The following TRAK1 variants were observed in gnomAD, a reference collection of about 807,000 sequenced individuals.
TRAK1 encodes trafficking kinesin-binding protein 1.
A neutral mutation model predicts 92.1 loss-of-function variants in TRAK1; 33 were observed. The observed-to-expected ratio is 0.36, with a 90% CI of 0.27 to 0.48. The LOEUF is 0.48. Among genes scored for constraint, TRAK1 ranks in the 20% least tolerant of loss-of-function variants. TRAK1 has a pLI of 0.99. For missense variants in TRAK1, 1,123 were observed against 1,257.9 expected, an observed-to-expected ratio of 0.89 and a Z score of 1.62; for synonymous variants, 521 against 517.3, an observed-to-expected ratio of 1.01 and a Z score of -0.10.
At position 42,224,006 on chromosome 3, in the gene TRAK1, C is replaced by T. The variant is rs751292336; in HGVS notation, c.*269C>T. The T allele has an allele frequency of 5.0e-5, 31 of 616,434 alleles. No homozygotes were observed. Among genetic ancestry groups the T allele is most frequent in the South Asian group, 1.2e-4 (8 of 65,440 alleles). 38.2% of individuals were successfully genotyped at this position (616,434 alleles called of 1,614,324 possible). On this transcript the variant is annotated 3_prime_UTR_variant, in exon 16 of 16. Transcript: ENST00000327628. ...TGCACTGTCATCACTCTCACGAGGACGTCACCTGTGCTAACCTGGGGGAAG... is the reference window on the plus strand; with the variant it reads ...TGCACTGTCATCACTCTCACGAGGATGTCACCTGTGCTAACCTGGGGGAAG...
intron 1 of TRAK1, among the ~76,000 whole-genome samples, chr3:42,058,816 T>C (rs1290045196): frequency 2.0e-5 from 3 of 152,020 alleles, no homozygotes; most frequent in Non-Finnish European, 4.4e-5. Context: ...TATGTACCTC[T>C]AAGAAAGCAA....
At position 42,183,201 on chromosome 3, in the gene TRAK1, G is replaced by A. The variant is rs367700958; in HGVS notation, c.364-1484G>A. ...TGTATTTAAGTTAAAACAAAATGTC[G>A]GTTGCTGTTACTAAAATGGTTTCTT... On this transcript the variant is annotated intron_variant, in intron 3 of 15. Transcript: ENST00000327628. Among the ~76,000 whole-genome samples the A allele has an allele frequency of 6.6e-4, 101 of 152,166 alleles. No individual in the cohort carries two copies. The South Asian group carries it at 0.01, about 15-fold the overall frequency.
intron 1 of TRAK1, among the ~76,000 whole-genome samples, chr3:42,093,629 T>C (rs1705413057): frequency 1.4e-5 from 2 of 138,076 alleles, no homozygotes; most frequent in South Asian, 5.1e-4. Flanking sequence ...CTCCCCTCTC[T>C]TCTCTCTTCT....
At chr3:42,190,094 A>C (rs1705482993) in intron 6 of TRAK1, among the ~76,000 whole-genome samples, 2 of 152,150 alleles carry the variant, frequency 1.3e-5, no homozygotes, top group African/African-American at 4.8e-5. Flanking sequence ...CTGTGACTCT[A>C]AGCCCCTTGT....
intron 1 of TRAK1, among the ~76,000 whole-genome samples, chr3:42,031,353 GAA>G (rs1702139640): frequency 1.3e-5 from 2 of 148,820 alleles, no homozygotes; most frequent in Non-Finnish European, 3.0e-5. Context: ...TTTCAAAATT[GAA>G]AGTTTTCCAA....
chr3:42,217,315 G>C, intron 14 of TRAK1: 1 of 985,190 alleles, frequency 1.0e-6, no homozygotes, highest in Admixed American at 6.1e-5. Context: ...GCGTCCTGGT[G>C]GTATTTTGGA....
chr3:42,201,061 A>G lies in TRAK1; in HGVS notation c.1427+7A>G, dbSNP rs1242044386. ...CAGAGGCAGCCGACCTGGGGTGAGC[A>G]AGCTGGGAGTTTTCACTTCTCTGTT... On this transcript the variant is annotated splice_region_variant and intron_variant, in intron 12 of 15. Coordinates refer to ENST00000327628, the MANE Select transcript of TRAK1 (RefSeq NM_001042646.3). The G allele has an allele frequency of 2.5e-6, 4 of 1,613,824 alleles. No homozygotes were observed. Among genetic ancestry groups the G allele is most frequent in the Non-Finnish European group, 3.4e-6 (4 of 1,179,812 alleles).
intron 1 of TRAK1, among the ~76,000 whole-genome samples, chr3:42,096,520 C>T (rs536636561): frequency 5.9e-5 from 9 of 152,234 alleles, no homozygotes; most frequent in Non-Finnish European, 1.3e-4. Flanking sequence ...TCCCAAAGTG[C>T]TGGGATTACA....
At position 42,115,175 on chromosome 3, in the gene TRAK1, C is replaced by T. The variant is rs181893113; in HGVS notation, c.92-10245C>T. ...CTGAACTTATACACGTTAACTTTCA[C>T]GTTTAAAATAAATTTGTGTACAATT... On this transcript the variant is annotated intron_variant, in intron 1 of 15. Transcript: ENST00000327628. Among the ~76,000 whole-genome samples the T allele has an allele frequency of 5.6e-4, 85 of 152,248 alleles. 2 individuals carry two copies. The highest frequency in any genetic ancestry group is 3.1e-3 in the Admixed American group (47 of 15,298).
At chr3:42,101,028 AG>A (rs1330361358) in intron 1 of TRAK1, among the ~76,000 whole-genome samples, 1 of 152,262 alleles carries the variant, frequency 6.6e-6, no homozygotes, top group African/African-American at 2.4e-5. Flanking sequence ...GAGTGCTAAC[AG>A]CCTCCAAATC....
At position 42,223,509 on chromosome 3, in the gene TRAK1, G is replaced by C; in HGVS notation, c.2634G>C (p.Pro878=). The C allele has an allele frequency of 6.2e-7, 1 of 1,613,516 alleles. No individual in the cohort carries two copies. The highest frequency in any genetic ancestry group is 8.5e-7 in the Non-Finnish European group (1 of 1,179,890). The part of the protein sequence containing the change: ...EEQGPLLCGP[P]GPAPALVPRG... Reference sequence around the variant, plus strand: ...AGGGACCCCTCCTCTGTGGGCCCCCGGGGCCAGCACCAGCCCTTGTTCCCA... The same window carrying C: ...AGGGACCCCTCCTCTGTGGGCCCCCCGGGCCAGCACCAGCCCTTGTTCCCA... The change falls in exon 16 of 16, where the codon CCG becomes CCC. Residue 878 remains proline (P), a synonymous_variant. Coordinates refer to ENST00000327628, the MANE Select transcript of TRAK1 (RefSeq NM_001042646.3). The surrounding 1 kb of genome is among the most constrained non-coding windows in gnomAD (Gnocchi z 6.1).
intron 3 of TRAK1, among the ~76,000 whole-genome samples, chr3:42,181,243 C>T (rs1703954641): frequency 6.6e-6 from 1 of 152,186 alleles, no homozygotes. Flanking sequence ...TTGAAATGTG[C>T]GTACAAAATG....
At position 42,202,016 on chromosome 3, in the gene TRAK1, C is replaced by T. The variant is rs1707700722; in HGVS notation, c.1428-420C>T. The stretch of plus-strand genomic sequence containing the variant: ...GTTGGAACAGACAGACAGGAAGCTC[C>T]TTGATCAGAGCAGGTTTTGTTCAGA... On this transcript the variant is annotated intron_variant, in intron 12 of 15. Coordinates refer to ENST00000327628, the MANE Select transcript of TRAK1 (RefSeq NM_001042646.3). The surrounding 1 kb of genome is among the most constrained non-coding windows in gnomAD (Gnocchi z 6.1). 6.6e-6 allele frequency among the ~76,000 whole-genome samples: 1 copy of T among 151,994 alleles called. No homozygotes were observed. Among genetic ancestry groups the T allele is most frequent in the Non-Finnish European group, 1.5e-5 (1 of 68,006 alleles).
chr3:42,215,078 G>A (rs978743868), intron 14 of TRAK1, among the ~76,000 whole-genome samples: 8 of 152,134 alleles, frequency 5.3e-5, no homozygotes, highest in Non-Finnish European at 1.0e-4. Context: ...TGACTCGTAG[G>A]GCAAACTATT....
At chr3:42,043,771 AC>A (rs1470756392) in intron 1 of TRAK1, among the ~76,000 whole-genome samples, 169 of 92,442 alleles carry the variant, frequency 1.8e-3, no homozygotes, top group African/African-American at 6.6e-3. Context: ...GACCCACCCC[AC>A]CCCCCCGCCA....
At chr3:42,163,986 T>C (rs1316304750) in intron 2 of TRAK1, among the ~76,000 whole-genome samples, 3 of 152,230 alleles carry the variant, frequency 2.0e-5, no homozygotes, top group South Asian at 2.1e-4. Flanking sequence ...TAAGGTTTGC[T>C]CCTGACATGA....
At chr3:42,156,423 A>G (rs1700540194) in intron 2 of TRAK1, among the ~76,000 whole-genome samples, 1 of 152,232 alleles carries the variant, frequency 6.6e-6, no homozygotes, top group African/African-American at 2.4e-5. Flanking sequence ...CCTGTGTTCA[A>G]AATTTCATGT....
In TRAK1 at chr3:42,188,104, C is replaced by A; in HGVS notation, c.540C>A (p.Ser180Arg). The A allele has an allele frequency of 6.2e-7, 1 of 1,614,090 alleles. No homozygotes were observed. The highest frequency in any genetic ancestry group is 8.5e-7 in the Non-Finnish European group (1 of 1,180,054). Residue 180 changes from serine to arginine, a missense_variant, in exon 5 of 16, where the codon AGC (serine) becomes AGA (arginine). By Grantham distance (110) the Ser-to-Arg change is moderately radical. Around this residue, in one of 3 missense-constraint regions of TRAK1, gnomAD observed 686 missense variants for 747.6 expected, o/e 0.92. Coordinates refer to ENST00000327628, the MANE Select transcript of TRAK1 (RefSeq NM_001042646.3). ...MKDELLQFYT[S>R]AAEESEPESV... The stretch of plus-strand genomic sequence containing the variant: ...ATGAGCTGCTTCAGTTCTACACCAG[C>A]GCTGCGGAGGAGAGTGAGCCCGAGT...
At chr3:42,195,232 C>G (rs372035564) in intron 10 of TRAK1, among the ~76,000 whole-genome samples, 7 of 152,212 alleles carry the variant, frequency 4.6e-5, no homozygotes, top group Non-Finnish European at 8.8e-5. Context: ...TTTGGAAGAT[C>G]TGACTCATAC....
Sources: allele counts gnomAD v4.1 joint callset (sites outside exome capture counted in the v4.1 genomes callset), GRCh38; gene constraint gnomAD v4.1.1; regional missense constraint gnomAD v4.1.1; non-coding constraint Gnocchi (gnomAD v3.1); transcripts MANE v1.5; gene names NCBI Gene and HGNC (gene_info 2026-07-23, HGNC 2026-07-21).